Variants in SEC11A observed in about 807,000 individuals in gnomAD.
The protein encoded by SEC11A is signal peptidase complex catalytic subunit SEC11A.
A neutral mutation model predicts 25.6 loss-of-function variants in SEC11A; 14 were observed. The observed-to-expected ratio is 0.55, with a 90% confidence interval of 0.36 to 0.85. SEC11A has a LOEUF of 0.85. Among genes scored for constraint, SEC11A ranks in the 40% least tolerant of loss-of-function variants. The pLI is 0.01. For missense variants in SEC11A, 153 were observed against 222.9 expected, an observed-to-expected ratio of 0.69 and a Z score of 2.00; for synonymous variants, 83 against 76.4, an observed-to-expected ratio of 1.09 and a Z score of -0.45.
intron 1 of SEC11A, among the ~76,000 whole-genome samples, chr15:84,709,689 G>A (rs370603372): frequency 3.3e-5 from 5 of 151,532 alleles, no homozygotes; most frequent in South Asian, 4.2e-4. Flanking sequence ...GTGATCTGCC[G>A]GCCTCAGCCT....
At chr15:84,701,788 G>T (rs1897950712) in intron 1 of SEC11A, among the ~76,000 whole-genome samples, 1 of 152,150 alleles carries the variant, frequency 6.6e-6, no homozygotes, top group Non-Finnish European at 1.5e-5. Context: ...AGTAGATTTT[G>T]GCCGGGCACA....
intron 4 of SEC11A, chr15:84,673,046 A>G (rs1223169049): frequency 5.4e-6 from 1 of 186,056 alleles, no homozygotes; most frequent in Non-Finnish European, 1.1e-5. Context: ...CCATCTGAGA[A>G]GTGAGGAGCC....
intron 1 of SEC11A, among the ~76,000 whole-genome samples, chr15:84,712,175 A>C (rs1449555833): frequency 1.3e-5 from 2 of 151,976 alleles, no homozygotes; most frequent in Non-Finnish European, 2.9e-5. Context: ...CCAGGAGTTC[A>C]AGGCTGCAGT....
chr15:84,696,081 C>A lies in SEC11A; in HGVS notation c.52-4437G>T, dbSNP rs1039851141. The stretch of plus-strand genomic sequence containing the variant: ...ACAAAAGGAAATATGAACATTTTCG[C>A]CGAGACAATTAGAAATATTTGCTGT... On this transcript the variant is annotated intron_variant, in intron 1 of 5. Coordinates refer to ENST00000268220, the MANE Select transcript of SEC11A (RefSeq NM_014300.4). Among the ~76,000 whole-genome samples the A allele has an allele frequency of 5.9e-5, 9 of 152,044 alleles. No individual in the cohort carries two copies. In the East Asian group the frequency reaches 1.5e-3, roughly 26 times the overall value.
intron 4 of SEC11A, among the ~76,000 whole-genome samples, chr15:84,675,415 C>A (rs1228309638): frequency 6.6e-6 from 1 of 152,084 alleles, no homozygotes; most frequent in East Asian, 1.9e-4. Flanking sequence ...TAAGAAGAGA[C>A]CCCAGCACAA....
At chr15:84,676,247 GT>G (rs972561119) in intron 4 of SEC11A, among the ~76,000 whole-genome samples, 1 of 151,776 alleles carries the variant, frequency 6.6e-6, no homozygotes, top group Non-Finnish European at 1.5e-5. Context: ...GTGTGCAGCT[GT>G]TAAAAAAAAA....
At chr15:84,683,221 G>C (rs1294512524) in intron 3 of SEC11A, among the ~76,000 whole-genome samples, 1 of 152,154 alleles carries the variant, frequency 6.6e-6, no homozygotes, top group African/African-American at 2.4e-5. Flanking sequence ...GGAACAGCAG[G>C]AAGGAAAACT....
chr15:84,678,327 T>C (rs1223088503), intron 4 of SEC11A, among the ~76,000 whole-genome samples: 1 of 152,208 alleles, frequency 6.6e-6, no homozygotes, highest in African/African-American at 2.4e-5. Flanking sequence ...GTCAAAAGCC[T>C]TAACATATGA....
chr15:84,683,201 G>C (rs943262432), intron 3 of SEC11A, among the ~76,000 whole-genome samples: 1 of 152,186 alleles, frequency 6.6e-6, no homozygotes, highest in Admixed American at 6.6e-5. Flanking sequence ...CACTGCAAGA[G>C]TGAAAGTCAG....
At chr15:84,684,670 G>A (rs1897368235) in intron 3 of SEC11A, among the ~76,000 whole-genome samples, 1 of 152,160 alleles carries the variant, frequency 6.6e-6, no homozygotes, top group Non-Finnish European at 1.5e-5. Context: ...AGTGGGTCAT[G>A]CCTGTAATCT....
At chr15:84,704,430 TCCAAATCCAC>T (rs1898037018) in intron 1 of SEC11A, among the ~76,000 whole-genome samples, 1 of 152,130 alleles carries the variant, frequency 6.6e-6, no homozygotes, top group Admixed American at 6.6e-5. Context: ...GTCTCTCAAC[TCCAAATCCAC>T]CCTCCTTCCT....
At position 84,703,581 on chromosome 15, in the gene SEC11A, T is replaced by A. The variant is rs1461806596; in HGVS notation, c.52-11937A>T. On this transcript the variant is annotated intron_variant, in intron 1 of 5. Transcript: ENST00000268220. ...ATAGCATTACAATCTCATGCAGGGT[T>A]GATCATGAAGGATTGTGAGGAAGAG... is the stretch of plus-strand genomic sequence containing the variant. Among the ~76,000 whole-genome samples the A allele has an allele frequency of 2.6e-5, 4 of 152,180 alleles. No individual in the cohort carries two copies. In the East Asian group the frequency reaches 7.7e-4, roughly 29 times the overall value.
chr15:84,677,557 C>A lies in SEC11A; in HGVS notation c.431+3156G>T, dbSNP rs369555922. ...GCGTGATCTCGGCTCACTGCAAGCT[C>A]CACCTCCCGGGTTCATGCCATTCTC... On this transcript the variant is annotated intron_variant, in intron 4 of 5. Coordinates refer to ENST00000268220, the MANE Select transcript of SEC11A (RefSeq NM_014300.4). Among the ~76,000 whole-genome samples, 8 of 151,316 alleles carry A rather than the reference C, an allele frequency of 5.3e-5. No individual in the cohort carries two copies. The South Asian group carries it at 1.5e-3, about 28-fold the overall frequency.
intron 1 of SEC11A, among the ~76,000 whole-genome samples, chr15:84,692,840 A>T (rs1479167526): frequency 6.6e-6 from 1 of 152,186 alleles, no homozygotes; most frequent in Admixed American, 6.5e-5. Context: ...AAATATTAGT[A>T]ATATAAAGTG....
chr15:84,714,022 T>TC (rs1187236811), intron 1 of SEC11A, among the ~76,000 whole-genome samples: 1 of 143,368 alleles, frequency 7.0e-6, no homozygotes, highest in East Asian at 2.0e-4. Context: ...TACCTTCTTT[T>TC]TTTTTTTTTT....
chr15:84,713,571 AT>A lies in SEC11A; in HGVS notation c.51+2453del, dbSNP rs1005244017. 3.9e-5 allele frequency among the ~76,000 whole-genome samples: 6 copies of A among 152,312 alleles called. No homozygotes were observed. In the East Asian group the frequency reaches 1.2e-3, roughly 29 times the overall value. ...GGAGGCCAGGGAGGATAATTTTACC[AT>A]TTAAACTTCCACTAACCCTGAATGT... is the stretch of plus-strand genomic sequence containing the variant. On this transcript the variant is annotated intron_variant, in intron 1 of 5. Coordinates refer to ENST00000268220, the MANE Select transcript of SEC11A (RefSeq NM_014300.4).
intron 1 of SEC11A, among the ~76,000 whole-genome samples, chr15:84,711,363 CAG>C (rs1898259378): frequency 6.6e-6 from 1 of 151,624 alleles, no homozygotes; most frequent in Non-Finnish European, 1.5e-5. Context: ...GCCTGGTCAA[CAG>C]AGTGAGACCC....
At chr15:84,709,138 T>C (rs1898185988) in intron 1 of SEC11A, among the ~76,000 whole-genome samples, 1 of 152,068 alleles carries the variant, frequency 6.6e-6, no homozygotes, top group Non-Finnish European at 1.5e-5. Context: ...ACATGTGACA[T>C]ACATGTAACA....
intron 3 of SEC11A, among the ~76,000 whole-genome samples, chr15:84,686,263 A>G (rs1897419055): frequency 1.3e-5 from 2 of 152,232 alleles, no homozygotes; most frequent in Non-Finnish European, 2.9e-5. Context: ...CTTCTAAACT[A>G]GAATGTTTAT....
Sources: allele counts gnomAD v4.1 joint callset (sites outside exome capture counted in the v4.1 genomes callset), GRCh38; gene constraint gnomAD v4.1.1; transcripts MANE v1.5; gene names NCBI Gene and HGNC (gene_info 2026-07-23, HGNC 2026-07-21).